Variants in TMEM141 observed in about 807,000 individuals in gnomAD.
TMEM141 encodes the protein transmembrane protein 141.
A neutral mutation model predicts 15.9 loss-of-function variants in TMEM141; 18 were observed. The observed-to-expected ratio is 1.13, with a 90% CI of 0.78 to 1.68. The LOEUF (loss-of-function observed/expected upper bound fraction) is 1.68. TMEM141 is among the 40% of genes most tolerant of loss of function. The pLI is 0.00. For synonymous variants in TMEM141, 69 were observed against 54.0 expected, an observed-to-expected ratio of 1.28 and a Z score of -1.22; for missense variants, 161 against 139.5, an observed-to-expected ratio of 1.15 and a Z score of -0.78.
intron 4 of TMEM141, 60 bp from the exon 5 acceptor site, chr9:136,792,759 C>A: frequency 7.4e-7 from 1 of 1,349,416 alleles, no homozygotes; most frequent in Non-Finnish European, 1.0e-6. Context: ...ATAAAATGGG[C>A]ACAGGGATGC....
intron 2 of TMEM141, 62 bp downstream of exon 2, chr9:136,791,839 TC>T (rs1847593450): frequency 7.5e-6 from 12 of 1,605,164 alleles, no homozygotes; most frequent in Non-Finnish European, 1.0e-5. Context: ...CTGCCCTGAC[TC>T]CCCAGCAGGG....
chr9:136,792,256 G>C lies in TMEM141; in HGVS notation c.211G>C (p.Gly71Arg), dbSNP rs145128775. The change falls in exon 4 of 5, where the codon GGC becomes CGC. Residue 71 changes from glycine (G) to arginine (R), a missense_variant. By Grantham distance (125) the Gly-to-Arg change is moderately radical. Transcript: ENST00000290079. ...QWSLLVAVVA[G>R]SVVSYGVTRV... Reference sequence around the variant, plus strand: ...TTCCATTTCCTGCTCCACAGTTGCAGGCTCTGTGGTCAGCTACGGGGTGAC... The same window carrying C: ...TTCCATTTCCTGCTCCACAGTTGCACGCTCTGTGGTCAGCTACGGGGTGAC... 1.1e-5 allele frequency: 17 copies of C among 1,580,810 alleles called. No individual in the cohort carries two copies. The highest frequency in any genetic ancestry group is 1.5e-5 in the Non-Finnish European group (17 of 1,162,794).
At chr9:136,791,603 C>T (rs898568143) in intron 1 of TMEM141, 108 bp from the exon 2 acceptor site, 2 of 1,569,884 alleles carry the variant, frequency 1.3e-6, no homozygotes, top group South Asian at 1.2e-5. Flanking sequence ...TGTCCAAGCG[C>T]CCAGGGTCTC....
rs1847606727 is a variant in TMEM141, at chr9:136,793,017, C to T, written c.*185C>T. The T allele has an allele frequency of 5.3e-6, 4 of 755,176 alleles. No homozygotes were observed. The highest frequency in any genetic ancestry group is 4.4e-5 in the Admixed American group (1 of 22,610). The allele number at this position is 755,176 out of a possible 1,614,324, so 46.8% of individuals were successfully genotyped here. The stretch of plus-strand genomic sequence containing the variant: ...GCTGCTGCCCCAACCTGGGACCTGC[C>T]CAGGAGGTTGGAGCAGAAAGGGCTC... On this transcript the variant is annotated 3_prime_UTR_variant, in exon 5 of 5. Transcript: ENST00000290079.
intron 2 of TMEM141, 46 bp from the exon 3 acceptor site, chr9:136,791,901 T>C: frequency 6.2e-7 from 1 of 1,613,426 alleles, no homozygotes; most frequent in Non-Finnish European, 8.5e-7. Context: ...AGGTGGGCCC[T>C]GGCTATCCCC....
Position 136,792,955 on chromosome 9 carries a change from C to T in TMEM141, c.*123C>T, listed in dbSNP as rs532782202. On this transcript the variant is annotated 3_prime_UTR_variant, in exon 5 of 5. Transcript: ENST00000290079. ...GGGTACCCCAGTCGTATCCTCTGTC[C>T]GCATGTGTGGCCAGGCCTGACAAAC... The T allele has an allele frequency of 1.7e-5, 22 of 1,288,060 alleles. No homozygotes were observed. Among genetic ancestry groups the T allele is most frequent in the African/African-American group, 1.2e-4 (8 of 66,126 alleles). 79.8% of individuals were successfully genotyped at this position (1,288,060 alleles called of 1,614,324 possible). A position where few individuals can be genotyped will look rare whatever the true frequency, so the allele number is the denominator to read the frequency against.
Position 136,791,727 on chromosome 9 carries a change from C to T in TMEM141, c.71C>T (p.Ala24Val). 2 of 1,613,292 alleles carry T rather than the reference C, an allele frequency of 1.2e-6. No individual in the cohort carries two copies. Among genetic ancestry groups the T allele is most frequent in the East Asian group, 2.2e-5 (1 of 44,872 alleles). Residue 24 changes from alanine to valine, a missense_variant, in exon 2 of 5, where the codon GCC becomes GTC. By Grantham distance (64) the Ala-to-Val change is moderately conservative (BLOSUM62 0). Coordinates refer to ENST00000290079, the MANE Select transcript of TMEM141 (RefSeq NM_032928.4). The part of the protein sequence containing the change: ...AAKHPGLGEY[A>V]ACQSHAFMKG... ...CCACCCCAGGGACTCGGGGAGTATGCCGCATGCCAGTCACACGCCTTCATG... is the reference window on the plus strand; with the variant it reads ...CCACCCCAGGGACTCGGGGAGTATGTCGCATGCCAGTCACACGCCTTCATG...
chr9:136,792,381 G>A (rs373427173), intron 4 of TMEM141, 23 bp downstream of exon 4: 29 of 1,544,114 alleles, frequency 1.9e-5, no homozygotes, highest in Admixed American at 1.4e-4. Flanking sequence ...GGGGGTTAGC[G>A]AGAAGTGAAT....
intron 2 of TMEM141, 21 bp from the exon 3 acceptor site, chr9:136,791,925 TG>T: frequency 6.2e-7 from 1 of 1,614,022 alleles, no homozygotes. Flanking sequence ...TACAGGTTGA[TG>T]GGGACCTCGG....
rs756348008 is a variant in TMEM141, at chr9:136,791,404, G to A, written c.34G>A (p.Ala12Thr). The A allele has an allele frequency of 1.1e-5, 17 of 1,559,276 alleles. No homozygotes were observed. The highest frequency in any genetic ancestry group is 1.5e-5 in the Non-Finnish European group (17 of 1,152,042). Residue 12 changes from alanine to threonine, a missense_variant, in exon 1 of 5, where the codon GCC becomes ACC. Ala to Thr is a moderately conservative substitution (Grantham distance 58, BLOSUM62 0). Transcript: ENST00000290079. ...VNLGLSRVDD[A>T]VAAKHPGLGE... ...CTTGGGTCTGTCCCGGGTGGACGAC[G>A]CCGTGGCTGCCAAGCACCCGGTGAG...
intron 4 of TMEM141, 28 bp from the exon 5 acceptor site, chr9:136,792,791 C>G (rs761747554): frequency 3.6e-5 from 55 of 1,531,680 alleles, no homozygotes; most frequent in Non-Finnish European, 4.5e-5. Context: ...GGATGTGGTT[C>G]GAGCTTGTCT....
chr9:136,792,171 G>GT (rs1370332094), intron 3 of TMEM141, 80 bp from the exon 4 acceptor site: 5 of 1,504,872 alleles, frequency 3.3e-6, no homozygotes, highest in Non-Finnish European at 4.5e-6. Context: ...CACCACGTCT[G>GT]TCAGGAAGTA....
chr9:136,792,674 G>C, intron 4 of TMEM141, 145 bp from the exon 5 acceptor site: 1 of 660,042 alleles, frequency 1.5e-6, no homozygotes, highest in Non-Finnish European at 2.6e-6. Context: ...AGGCTGGACT[G>C]AGAAGCCCCG....
At position 136,792,862 on chromosome 9, in the gene TMEM141, G is replaced by A; in HGVS notation, c.*30G>A. 1 of 1,532,486 alleles carries A rather than the reference G, an allele frequency of 6.5e-7. No individual in the cohort carries two copies. The highest frequency in any genetic ancestry group is 8.8e-7 in the Non-Finnish European group (1 of 1,138,898). The allele number at this position is 1,532,486 out of a possible 1,614,324, so 94.9% of individuals were successfully genotyped here. A position where few individuals can be genotyped will look rare whatever the true frequency, so the allele number is the denominator to read the frequency against. ...GCTCCAGCAGGGGCACAGAGGATTGGGGGCAGGAGGAGTCTGGAACACAGC... is the reference window on the plus strand; with the variant it reads ...GCTCCAGCAGGGGCACAGAGGATTGAGGGCAGGAGGAGTCTGGAACACAGC... On this transcript the variant is annotated 3_prime_UTR_variant, in exon 5 of 5. Transcript: ENST00000290079.
In TMEM141 at chr9:136,791,705, C is replaced by T; in HGVS notation, c.55-6C>T. On this transcript the variant is annotated splice_polypyrimidine_tract_variant and splice_region_variant and intron_variant, in intron 1 of 4. Coordinates refer to ENST00000290079, the MANE Select transcript of TMEM141 (RefSeq NM_032928.4). The stretch of plus-strand genomic sequence containing the variant: ...ATCGAGCCTTCACCCGCCTCTGCCA[C>T]CCCAGGGACTCGGGGAGTATGCCGC... The T allele has an allele frequency of 1.2e-6, 2 of 1,612,852 alleles. No homozygotes were observed. Among genetic ancestry groups the T allele is most frequent in the Non-Finnish European group, 1.7e-6 (2 of 1,179,730 alleles).
At chr9:136,792,770 C>G in intron 4 of TMEM141, 49 bp from the exon 5 acceptor site, 8 of 1,445,870 alleles carry the variant, frequency 5.5e-6, no homozygotes, top group Non-Finnish European at 7.5e-6. Flanking sequence ...ACAGGGATGC[C>G]CAGCCACGAT....
At chr9:136,791,536 G>C (rs1847589770) in intron 1 of TMEM141, 112 bp downstream of exon 1, 4 of 1,550,360 alleles carry the variant, frequency 2.6e-6, no homozygotes, top group Non-Finnish European at 3.5e-6. Context: ...GGAGGCTGGG[G>C]GCACTCTCTT....
chr9:136,791,853 C>A, intron 2 of TMEM141, 76 bp downstream of exon 2: 1 of 1,607,996 alleles, frequency 6.2e-7, no homozygotes, highest in South Asian at 1.1e-5. Flanking sequence ...CAGCAGGGGG[C>A]GCCAAGTCAC....
Position 136,792,315 on chromosome 9 carries a change from G to A in TMEM141, c.270G>A (p.Trp90Ter). Reference sequence around the variant, plus strand: ...AGTCGGAGAAATGCAACAACCTCTGGCTCTTCCTGGAGACCGGGCAGCTCC... The same window carrying A: ...AGTCGGAGAAATGCAACAACCTCTGACTCTTCCTGGAGACCGGGCAGCTCC... ...RVESEKCNNL[W>*]LFLETGQLPK... The change falls in exon 4 of 5, where the codon TGG (tryptophan) becomes TGA (stop). Residue 90 changes from tryptophan (W) to a stop codon, truncating the protein, a stop_gained. Coordinates refer to ENST00000290079, the MANE Select transcript of TMEM141 (RefSeq NM_032928.4). LOFTEE classifies it high-confidence loss of function. 1 of 1,587,972 alleles carries A rather than the reference G, an allele frequency of 6.3e-7. No individual in the cohort carries two copies. Among genetic ancestry groups the A allele is most frequent in the South Asian group, 1.1e-5 (1 of 87,108 alleles).
Sources: allele counts gnomAD v4.1 joint callset, GRCh38; gene constraint gnomAD v4.1.1; transcripts MANE v1.5; gene names NCBI Gene and HGNC (gene_info 2026-07-23, HGNC 2026-07-21).